The following IL1RAPL1 variants were observed in gnomAD, a reference collection of about 807,000 sequenced individuals.
IL1RAPL1 encodes the protein interleukin 1 receptor accessory protein like 1, also known as interleukin-1 receptor accessory protein-like 1.
In IL1RAPL1, 3 loss-of-function variants were observed where a neutral mutation model predicts 48.4. The observed-to-expected ratio is 0.06, with a 90% CI of 0.03 to 0.16. IL1RAPL1 has a LOEUF of 0.16. IL1RAPL1 is among the 10% of genes least tolerant of loss of function. IL1RAPL1 has a pLI of 1.00. For synonymous variants in IL1RAPL1, 185 were observed against 187.7 expected (o/e 0.99, Z 0.12); for missense variants, 349 against 530.6 (o/e 0.66, Z 3.36).
rs775180073 is a variant in IL1RAPL1, at chrX:29,796,745, G to A, written c.779-120719G>A. On this transcript the variant is annotated intron_variant, in intron 6 of 10. Coordinates refer to ENST00000378993, the MANE Select transcript of IL1RAPL1 (RefSeq NM_014271.4). Reference sequence around the variant, plus strand: ...CTTCCTTATTTAAAACTCTCTTTTAGCTTCTGTCTAAACATGGAAGGATCA... The same window carrying A: ...CTTCCTTATTTAAAACTCTCTTTTAACTTCTGTCTAAACATGGAAGGATCA... Among the ~76,000 whole-genome samples, 158 of 112,627 alleles carry A rather than the reference G, an allele frequency of 1.4e-3. 1 individual carries two copies. Among genetic ancestry groups the A allele is most frequent in the Non-Finnish European group, 2.4e-4 (13 of 53,336 alleles).
rs770329598 is a variant in IL1RAPL1, at chrX:29,145,571, A to G, written c.83-137367A>G. ...ACTGAATCTCATGGCTTTAAATACC[A>G]TTTGTCTTCTGATGATTACCAAATA... On this transcript the variant is annotated intron_variant, in intron 2 of 10. Transcript: ENST00000378993. Among the ~76,000 whole-genome samples, 4 of 111,383 alleles carry G rather than the reference A, an allele frequency of 3.6e-5. No individual in the cohort carries two copies. The East Asian group carries it at 8.5e-4, about 24-fold the overall frequency.
Position 29,948,381 on chromosome X carries a change from T to C in IL1RAPL1, c.1202-6141T>C, listed in dbSNP as rs778885545. On this transcript the variant is annotated intron_variant, in intron 9 of 10. Transcript: ENST00000378993. ...GTCAAGCAAATTTATTTTACAACAATTGCCAGAGGTTGTCATAGCAGAATT... is the reference window on the plus strand; with the variant it reads ...GTCAAGCAAATTTATTTTACAACAACTGCCAGAGGTTGTCATAGCAGAATT... Among the ~76,000 whole-genome samples, 268 of 111,729 alleles carry C rather than the reference T, an allele frequency of 2.4e-3. 1 individual carries two copies. The highest frequency in any genetic ancestry group is 2.5e-3 in the Non-Finnish European group (131 of 52,961).
chrX:29,078,506 C>T (rs1432309975), intron 2 of IL1RAPL1, among the ~76,000 whole-genome samples: 2 of 111,879 alleles, frequency 1.8e-5, no homozygotes, highest in African/African-American at 6.5e-5. Flanking sequence ...GAGGTCATGA[C>T]ATAGATTTGA....
chrX:29,429,181 G>T (rs1351406913), intron 5 of IL1RAPL1, among the ~76,000 whole-genome samples: 1 of 111,788 alleles, frequency 8.9e-6, no homozygotes, highest in African/African-American at 3.3e-5. Flanking sequence ...ATTATCTGGA[G>T]ATCTTGTTAA....
intron 3 of IL1RAPL1, among the ~76,000 whole-genome samples, chrX:29,300,635 A>G (rs184789376): frequency 3.7e-4 from 41 of 112,256 alleles, no homozygotes; most frequent in African/African-American, 1.2e-3. Flanking sequence ...GGAAACCAAT[A>G]CTGTGCAGAA....
intron 1 of IL1RAPL1, among the ~76,000 whole-genome samples, chrX:28,658,225 T>C (rs987317171): frequency 8.9e-6 from 1 of 112,464 alleles, no homozygotes; most frequent in African/African-American, 3.2e-5. Context: ...TTAATTAATT[T>C]ATTTATTTTT....
At chrX:29,579,581 G>A (rs916221239) in intron 5 of IL1RAPL1, among the ~76,000 whole-genome samples, 6 of 111,760 alleles carry the variant, frequency 5.4e-5, no homozygotes, top group African/African-American at 1.9e-4. Flanking sequence ...TTTTTCCCAA[G>A]GGCAAGATGT....
intron 2 of IL1RAPL1, among the ~76,000 whole-genome samples, chrX:28,802,105 G>A (rs1936682546): frequency 9.0e-6 from 1 of 111,439 alleles, no homozygotes; most frequent in Non-Finnish European, 1.9e-5. Context: ...CAGAGTGGAG[G>A]ATGTTATTAG....
chrX:29,199,981 T>A (rs953582710), intron 2 of IL1RAPL1, among the ~76,000 whole-genome samples: 1 of 111,673 alleles, frequency 9.0e-6, no homozygotes, highest in African/African-American at 3.3e-5. Context: ...ATGCAATTTA[T>A]ACTTTTTTTA....
chrX:29,260,641 C>T (rs984277350), intron 2 of IL1RAPL1, among the ~76,000 whole-genome samples: 4 of 111,378 alleles, frequency 3.6e-5, no homozygotes, highest in African/African-American at 1.3e-4. Flanking sequence ...CCAATCACGT[C>T]GGTAAGGGTG....
chrX:28,709,818 C>T (rs1011159949), intron 1 of IL1RAPL1, among the ~76,000 whole-genome samples: 1 of 111,248 alleles, frequency 9.0e-6, no homozygotes, highest in Admixed American at 9.6e-5. Context: ...AATTTTGCAA[C>T]ACCTTAAAAT....
intron 2 of IL1RAPL1, among the ~76,000 whole-genome samples, chrX:29,114,876 C>T (rs1928646879): frequency 9.0e-6 from 1 of 111,495 alleles, no homozygotes; most frequent in Non-Finnish European, 1.9e-5. Context: ...GATTCGCCCG[C>T]CTCTACCTCC....
chrX:29,647,606 TTGTAAGCCTC>T (rs1436477838), intron 5 of IL1RAPL1, among the ~76,000 whole-genome samples: 1 of 111,483 alleles, frequency 9.0e-6, no homozygotes, highest in African/African-American at 3.3e-5. Context: ...TAAAATGTTT[TTGTAAGCCTC>T]ATGGTAACCA....
chrX:29,122,455 C>T (rs1443978778), intron 2 of IL1RAPL1, among the ~76,000 whole-genome samples: 2 of 72,204 alleles, frequency 2.8e-5, no homozygotes, highest in African/African-American at 1.2e-4. Flanking sequence ...ACACTCGCCC[C>T]CCCCACCCCC....
chrX:29,350,169 C>T (rs921460885), intron 3 of IL1RAPL1, among the ~76,000 whole-genome samples: 3 of 78,592 alleles, frequency 3.8e-5, no homozygotes, highest in Non-Finnish European at 6.6e-5. Context: ...CCAGCCCCTC[C>T]CTTGGTCTAC....
intron 1 of IL1RAPL1, among the ~76,000 whole-genome samples, chrX:28,628,075 T>C (rs756239271): frequency 9.0e-6 from 1 of 111,411 alleles, no homozygotes; most frequent in Non-Finnish European, 1.9e-5. Flanking sequence ...TAGTCAGTTA[T>C]AGAGGGGCTG....
chrX:29,418,534 A>G (rs1934252552), intron 5 of IL1RAPL1, among the ~76,000 whole-genome samples: 1 of 111,694 alleles, frequency 9.0e-6, no homozygotes, highest in South Asian at 3.7e-4. Context: ...TAACCTGAAA[A>G]CAGAATTTTT....
intron 5 of IL1RAPL1, among the ~76,000 whole-genome samples, chrX:29,538,672 C>A (rs941206764): frequency 9.2e-6 from 1 of 108,252 alleles, no homozygotes; most frequent in African/African-American, 3.4e-5. Flanking sequence ...ATTTAGTAAC[C>A]TCCCAAATTA....
chrX:29,205,436 A>C (rs772152477), intron 2 of IL1RAPL1, among the ~76,000 whole-genome samples: 1 of 111,601 alleles, frequency 9.0e-6, no homozygotes, highest in African/African-American at 3.3e-5. Flanking sequence ...CTGGTCATAT[A>C]TATATTGATG....
Sources: gnomAD v4.1 joint callset for allele counts (sites outside exome capture counted in the v4.1 genomes callset) on GRCh38, gnomAD v4.1.1 for gene constraint, MANE v1.5 for transcripts, NCBI Gene and HGNC (gene_info 2026-07-23, HGNC 2026-07-21) for gene names.